The following GPR39 variants were observed in gnomAD, a reference collection of about 807,000 sequenced individuals.
The protein encoded by GPR39 is zinc sensing receptor.
GPR39 carries 23 observed loss-of-function variants against 18.4 expected under a neutral mutation model. The ratio of observed to expected loss-of-function variants is 1.25; its 90% CI spans 0.90 to 1.77. The LOEUF (loss-of-function observed/expected upper bound fraction) is 1.77. Ranked by LOEUF, GPR39 falls within the 40% of genes most tolerant of loss-of-function variation. The pLI, the probability that GPR39 is intolerant of heterozygous loss-of-function variation, is 0.00. For synonymous variants in GPR39, 280 were observed against 257.9 expected, an observed-to-expected ratio of 1.09 and a Z score of -0.82; for missense variants, 647 against 602.4, an observed-to-expected ratio of 1.07 and a Z score of -0.78.
At chr2:132,442,328 CTCA>C (rs1395248677) in intron 1 of GPR39, among the ~76,000 whole-genome samples, 1 of 152,154 alleles carries the variant, frequency 6.6e-6, no homozygotes, top group Non-Finnish European at 1.5e-5. Flanking sequence ...ATGCCCAGGT[CTCA>C]TCTCAAATTT....
intron 1 of GPR39, among the ~76,000 whole-genome samples, chr2:132,570,292 G>A (rs754334987): frequency 4.6e-5 from 7 of 151,784 alleles, no homozygotes; most frequent in East Asian, 1.9e-4. Flanking sequence ...ACTACCCCTC[G>A]TCTCTGAGAC....
At chr2:132,545,323 C>A (rs919567207) in intron 1 of GPR39, among the ~76,000 whole-genome samples, 1 of 152,174 alleles carries the variant, frequency 6.6e-6, no homozygotes, top group Non-Finnish European at 1.5e-5. Flanking sequence ...CCAGGCAGTC[C>A]ATGTGAGGCA....
At chr2:132,551,924 A>G (rs1041960805) in intron 1 of GPR39, among the ~76,000 whole-genome samples, 5 of 152,206 alleles carry the variant, frequency 3.3e-5, no homozygotes, top group Non-Finnish European at 7.3e-5. Context: ...CTGAGAAAAT[A>G]AGAAAAAACA....
At chr2:132,624,188 C>G (rs944811231) in intron 1 of GPR39, among the ~76,000 whole-genome samples, 1 of 152,226 alleles carries the variant, frequency 6.6e-6, no homozygotes, top group Admixed American at 6.5e-5. Context: ...CCTTGGCTCA[C>G]AGATGGCCCT....
chr2:132,577,632 TTGAG>T lies in GPR39; in HGVS notation c.857-67465_857-67462del, dbSNP rs538340405. ...TTGGATTTATATATAAATATTTTCT[TTGAG>T]TGACTGACTGTAAGTGGCATTGTCT... On this transcript the variant is annotated intron_variant, in intron 1 of 1. Coordinates refer to ENST00000329321, the MANE Select transcript of GPR39 (RefSeq NM_001508.3). Among the ~76,000 whole-genome samples, 503 of 152,344 alleles carry T rather than the reference TTGAG, an allele frequency of 3.3e-3. 2 individuals carry two copies. The highest frequency in any genetic ancestry group is 5.4e-3 in the Non-Finnish European group (370 of 68,032).
At chr2:132,615,080 T>G (rs1408588214) in intron 1 of GPR39, among the ~76,000 whole-genome samples, 1 of 152,150 alleles carries the variant, frequency 6.6e-6, no homozygotes, top group African/African-American at 2.4e-5. Flanking sequence ...CCATGTGTCT[T>G]GGTTGCTTTG....
chr2:132,458,028 T>G (rs1305142277), intron 1 of GPR39, among the ~76,000 whole-genome samples: 2 of 152,242 alleles, frequency 1.3e-5, no homozygotes, highest in African/African-American at 4.8e-5. Flanking sequence ...TTTTTCCAGG[T>G]AGTCTGTCAC....
At chr2:132,583,175 A>C (rs1167266761) in intron 1 of GPR39, among the ~76,000 whole-genome samples, 1 of 151,954 alleles carries the variant, frequency 6.6e-6, no homozygotes, top group East Asian at 1.9e-4. Context: ...AGCCTTCCAA[A>C]GTGCTGGGAT....
At chr2:132,535,478 G>A (rs1161785119) in intron 1 of GPR39, among the ~76,000 whole-genome samples, 1 of 152,088 alleles carries the variant, frequency 6.6e-6, no homozygotes, top group African/African-American at 2.4e-5. Flanking sequence ...ATTTTATTGA[G>A]GATTTTCACA....
rs1491027792 is a variant in GPR39, at chr2:132,545,653, GGC to G, written c.857-99446_857-99445del. On this transcript the variant is annotated intron_variant, in intron 1 of 1. Coordinates refer to ENST00000329321, the MANE Select transcript of GPR39 (RefSeq NM_001508.3). ...ATCTTATAATCCACGATGTGTGATG[GGC>G]GTGTGTGTGTGTGTGTGTGTGTGTG... Among the ~76,000 whole-genome samples the G allele has an allele frequency of 5.0e-3, 675 of 134,774 alleles. 7 individuals carry two copies. Among genetic ancestry groups the G allele is most frequent in the African/African-American group, 0.016 (633 of 39,830 alleles). 88.4% of individuals were successfully genotyped at this position (134,774 alleles called of 152,430 possible). A position where few individuals can be genotyped will look rare whatever the true frequency, so the allele number is the denominator to read the frequency against.
chr2:132,438,573 C>CT (rs35614907), intron 1 of GPR39, among the ~76,000 whole-genome samples: 1,190 of 97,612 alleles, frequency 0.012, 8 homozygotes, highest in East Asian at 0.023. Flanking sequence ...TGTCAGCAAG[C>CT]TTTTTTTTTT....
chr2:132,523,165 A>G (rs1679453523), intron 1 of GPR39, among the ~76,000 whole-genome samples: 1 of 152,268 alleles, frequency 6.6e-6, no homozygotes, highest in Non-Finnish European at 1.5e-5. Context: ...ACCAGACATT[A>G]CTTTTTTAAA....
chr2:132,565,145 A>G (rs1292647535), intron 1 of GPR39, among the ~76,000 whole-genome samples: 1 of 151,870 alleles, frequency 6.6e-6, no homozygotes, highest in Non-Finnish European at 1.5e-5. Context: ...GCCATAATTG[A>G]CCCACAGAGA....
intron 1 of GPR39, among the ~76,000 whole-genome samples, chr2:132,600,981 T>G (rs1681033407): frequency 6.6e-6 from 1 of 152,216 alleles, no homozygotes; most frequent in Non-Finnish European, 1.5e-5. Context: ...GTCCAGAATA[T>G]GCCCCTGCAT....
At chr2:132,526,537 A>G (rs575846583) in intron 1 of GPR39, among the ~76,000 whole-genome samples, 1 of 152,368 alleles carries the variant, frequency 6.6e-6, no homozygotes, top group Non-Finnish European at 1.5e-5. Context: ...TGAGAAACAC[A>G]GCTCAGCATG....
chr2:132,562,975 C>T (rs756100725), intron 1 of GPR39, among the ~76,000 whole-genome samples: 2 of 152,140 alleles, frequency 1.3e-5, no homozygotes, highest in African/African-American at 4.8e-5. Flanking sequence ...CCTAAAAAAG[C>T]GGCATTATTC....
chr2:132,585,954 T>TTTTG lies in GPR39; in HGVS notation c.857-59144_857-59143insGTTT, dbSNP rs1323848408. 5.1e-5 allele frequency among the ~76,000 whole-genome samples: 7 copies of TTTTG among 138,248 alleles called. No homozygotes were observed. The East Asian group carries it at 1.4e-3, about 27-fold the overall frequency. 90.7% of individuals were successfully genotyped at this position (138,248 alleles called of 152,430 possible). Reference sequence around the variant, plus strand: ...GCTTCTCGAAGCATCCCCGGTTTTTTTTTTTTTTTTTTTTTTTTAATGCCC... The same window carrying TTTTG: ...GCTTCTCGAAGCATCCCCGGTTTTTTTTTGTTTTTTTTTTTTTTTTTTAATGCCC... On this transcript the variant is annotated intron_variant, in intron 1 of 1. Coordinates refer to ENST00000329321, the MANE Select transcript of GPR39 (RefSeq NM_001508.3).
chr2:132,495,503 G>C (rs1328482085), intron 1 of GPR39, among the ~76,000 whole-genome samples: 1 of 152,136 alleles, frequency 6.6e-6, no homozygotes, highest in Non-Finnish European at 1.5e-5. Flanking sequence ...TACTGGCCGG[G>C]CTTTTCAGAC....
At chr2:132,610,696 G>A (rs895487031) in intron 1 of GPR39, among the ~76,000 whole-genome samples, 6 of 146,156 alleles carry the variant, frequency 4.1e-5, no homozygotes, top group African/African-American at 1.5e-4. Flanking sequence ...AGAATCACTT[G>A]AACCTGGGAG....
Sources: gnomAD v4.1 joint callset for allele counts (sites outside exome capture counted in the v4.1 genomes callset) on GRCh38, gnomAD v4.1.1 for gene constraint, MANE v1.5 for transcripts, NCBI Gene and HGNC (gene_info 2026-07-23, HGNC 2026-07-21) for gene names.